Variants in TP53BP2 observed in about 807,000 individuals in gnomAD.
TP53BP2 encodes tumor protein p53 binding protein 2.
Under a neutral mutation model 126.2 loss-of-function variants are expected in TP53BP2, and 62 were observed. The ratio of observed to expected loss-of-function variants is 0.49; its 90% CI spans 0.40 to 0.61. The LOEUF (loss-of-function observed/expected upper bound fraction) is 0.61. Ranked by LOEUF, TP53BP2 falls within the 20% of genes least tolerant of loss-of-function variation. The probability of loss-of-function intolerance (pLI) is 0.00; values close to 1 mark genes in which losing one functional copy is unlikely to be tolerated. For synonymous variants in TP53BP2, 485 were observed against 502.9 expected, an observed-to-expected ratio of 0.96 and a Z score of 0.48; for missense variants, 1,215 against 1,402.8, an observed-to-expected ratio of 0.87 and a Z score of 2.14.
intron 4 of TP53BP2, among the ~76,000 whole-genome samples, chr1:223,809,263 A>G (rs1200927835): frequency 6.6e-6 from 1 of 152,116 alleles, no homozygotes; most frequent in East Asian, 1.9e-4. Context: ...TCATTGTAAG[A>G]TAATTATTAA....
At chr1:223,809,450 C>G (rs936863215) in intron 4 of TP53BP2, among the ~76,000 whole-genome samples, 5 of 151,888 alleles carry the variant, frequency 3.3e-5, no homozygotes, top group Admixed American at 6.6e-5. Context: ...ACCTGTAATC[C>G]CAGCTACTCG....
chr1:223,787,974 C>T (rs920369104), intron 16 of TP53BP2, among the ~76,000 whole-genome samples: 1 of 152,040 alleles, frequency 6.6e-6, no homozygotes. Context: ...AAGACTGAGG[C>T]AGAAGGGTCA....
chr1:223,803,928 T>G (rs1435419813), intron 6 of TP53BP2, among the ~76,000 whole-genome samples: 1 of 152,200 alleles, frequency 6.6e-6, no homozygotes, highest in Admixed American at 6.5e-5. Flanking sequence ...CTGAATTCAA[T>G]TCAGAGGAAC....
intron 1 of TP53BP2, among the ~76,000 whole-genome samples, chr1:223,840,729 G>C (rs1664075191): frequency 6.6e-6 from 1 of 152,132 alleles, no homozygotes; most frequent in Non-Finnish European, 1.5e-5. Context: ...AAGACGGAGG[G>C]AACACAGCTC....
At chr1:223,840,057 GA>G (rs1466857324) in intron 1 of TP53BP2, among the ~76,000 whole-genome samples, 1 of 152,084 alleles carries the variant, frequency 6.6e-6, no homozygotes, top group Non-Finnish European at 1.5e-5. Flanking sequence ...ATTTTATGTA[GA>G]AAAAAAGTTT....
chr1:223,793,370 G>T lies in TP53BP2; in HGVS notation c.2795C>A (p.Pro932His). ...IAHGMRVKFN[P>H]LALLLDSSLE... Reference sequence around the variant, plus strand: ...AGACGAATCTAGCAGTAAAGCAAGGGGGTTGAATTTCACCCTCATTCCATG... The same window carrying T: ...AGACGAATCTAGCAGTAAAGCAAGGTGGTTGAATTTCACCCTCATTCCATG... The change falls in exon 14 of 18, where the codon CCC (proline) becomes CAC (histidine). Residue 932 changes from proline (P) to histidine (H), a missense_variant. This residue lies in a region of TP53BP2 where 204 missense variants were observed against 225.7 expected (regional missense o/e 0.90). Coordinates refer to ENST00000343537, the MANE Select transcript of TP53BP2 (RefSeq NM_001031685.3). 1.2e-6 allele frequency: 2 copies of T among 1,611,782 alleles called. No homozygotes were observed. The highest frequency in any genetic ancestry group is 1.7e-6 in the Non-Finnish European group (2 of 1,178,988).
At chr1:223,819,583 G>T (rs1253662756) in intron 2 of TP53BP2, among the ~76,000 whole-genome samples, 1 of 152,036 alleles carries the variant, frequency 6.6e-6, no homozygotes, top group Non-Finnish European at 1.5e-5. Flanking sequence ...CTACTCGGGA[G>T]GCTGAGGCAG....
chr1:223,829,847 T>A (rs536587320), intron 1 of TP53BP2, among the ~76,000 whole-genome samples: 1 of 152,188 alleles, frequency 6.6e-6, no homozygotes, highest in African/African-American at 2.4e-5. Context: ...AGAGTACAGT[T>A]TTTCTTCCCC....
chr1:223,827,374 G>A (rs532172782), intron 1 of TP53BP2, among the ~76,000 whole-genome samples: 29 of 152,174 alleles, frequency 1.9e-4, no homozygotes, highest in Non-Finnish European at 2.6e-4. Context: ...CAAAGAAAGC[G>A]TGTGAGGGAG....
intron 13 of TP53BP2, among the ~76,000 whole-genome samples, chr1:223,793,823 T>C (rs1213963811): frequency 1.3e-5 from 2 of 152,182 alleles, no homozygotes; most frequent in Non-Finnish European, 2.9e-5. Flanking sequence ...TCTAATACAG[T>C]ACAGCAAACT....
chr1:223,806,268 T>A (rs1662711940), intron 5 of TP53BP2, among the ~76,000 whole-genome samples: 1 of 152,158 alleles, frequency 6.6e-6, no homozygotes, highest in African/African-American at 2.4e-5. Flanking sequence ...ACCTTTCCTG[T>A]CTGGCTGATA....
chr1:223,783,645 T>G (rs1661847918), intron 17 of TP53BP2, among the ~76,000 whole-genome samples: 1 of 150,118 alleles, frequency 6.7e-6, no homozygotes, highest in East Asian at 1.9e-4. Flanking sequence ...AATCTTTACA[T>G]GATGACAGCA....
In TP53BP2 at chr1:223,796,604, G is replaced by GAAAAAAA. The variant is rs28364803; in HGVS notation, c.1949-21_1949-15dup. The GAAAAAAA allele has an allele frequency of 7.1e-7, 1 of 1,417,222 alleles. No homozygotes were observed. The highest frequency in any genetic ancestry group is 9.4e-7 in the Non-Finnish European group (1 of 1,065,172). The allele number at this position is 1,417,222 out of a possible 1,614,324, so 87.8% of individuals were successfully genotyped here. A position where few individuals can be genotyped will look rare whatever the true frequency, so the allele number is the denominator to read the frequency against. On this transcript the variant is annotated splice_polypyrimidine_tract_variant and intron_variant, in intron 12 of 17. Transcript: ENST00000343537. The surrounding 1 kb of genome is among the most constrained non-coding windows in gnomAD (Gnocchi z 4.2). ...GCTTACCATATACTAATTGGAAAAG[G>GAAAAAAA]AAAAAAAAAAGCCCTCATTAGCATT...
chr1:223,800,606 G>C, intron 10 of TP53BP2, 94 bp downstream of exon 10: 1 of 933,288 alleles, frequency 1.1e-6, no homozygotes. Flanking sequence ...AAAAAAGGAA[G>C]AAAGAAAAGA....
Position 223,796,045 on chromosome 1 carries a change from G to A in TP53BP2, c.2494C>T (p.Pro832Ser). Residue 832 changes from proline to serine, a missense_variant, in exon 13 of 18, where the codon CCT becomes TCT. By Grantham distance (74) the Pro-to-Ser change is moderately conservative. Coordinates refer to ENST00000343537, the MANE Select transcript of TP53BP2 (RefSeq NM_001031685.3). This position sits in a 1 kb window ranked among gnomAD's most constrained non-coding sequence, Gnocchi z 4.2. The part of the protein sequence containing the change: ...ASTENSDMPA[P>S]SPGLDYEPEG... ...GGCTCATAATCAAGGCCTGGAGAAG[G>A]AGCTGGCATGTCACTGTTCTCTGTA... The A allele has an allele frequency of 6.2e-7, 1 of 1,614,178 alleles. No homozygotes were observed.
At chr1:223,800,114 T>G in intron 10 of TP53BP2, 67 bp from the exon 11 acceptor site, 2 of 1,463,946 alleles carry the variant, frequency 1.4e-6, no homozygotes, top group Non-Finnish European at 1.8e-6. Flanking sequence ...CACTCGTAAG[T>G]TTCTCTCCCC....
intron 4 of TP53BP2, among the ~76,000 whole-genome samples, chr1:223,807,298 TA>T (rs1662757173): frequency 1.3e-5 from 2 of 152,204 alleles, no homozygotes; most frequent in African/African-American, 4.8e-5. Flanking sequence ...TTAAACATGG[TA>T]TTGAGGCACT....
chr1:223,818,552 A>T (rs112247342), intron 2 of TP53BP2, among the ~76,000 whole-genome samples: 1 of 151,288 alleles, frequency 6.6e-6, no homozygotes, highest in East Asian at 2.0e-4. Flanking sequence ...TCTAGAACAC[A>T]TATCGGTGTT....
Position 223,814,037 on chromosome 1 carries a change from C to A in TP53BP2, c.289+203G>T, listed in dbSNP as rs533374702. ...AGTATTTCCTTTCTTATAGTTTCAACCCCCTGCTCTAATGACTCCTTCCCA... is the reference window on the plus strand; with the variant it reads ...AGTATTTCCTTTCTTATAGTTTCAAACCCCTGCTCTAATGACTCCTTCCCA... On this transcript the variant is annotated intron_variant, in intron 3 of 17. Coordinates refer to ENST00000343537, the MANE Select transcript of TP53BP2 (RefSeq NM_001031685.3). 4.1e-4 allele frequency: 209 copies of A among 505,238 alleles called. 3 individuals are homozygous for A. In the South Asian group the frequency reaches 5.0e-3, roughly 12 times the overall value. 31.3% of individuals were successfully genotyped at this position (505,238 alleles called of 1,614,324 possible). A position where few individuals can be genotyped will look rare whatever the true frequency, so the allele number is the denominator to read the frequency against.
Sources: gnomAD v4.1 joint callset for allele counts (sites outside exome capture counted in the v4.1 genomes callset) on GRCh38, gnomAD v4.1.1 for gene constraint, gnomAD v4.1.1 regional missense constraint, Gnocchi (gnomAD v3.1) non-coding constraint, MANE v1.5 for transcripts, NCBI Gene and HGNC (gene_info 2026-07-23, HGNC 2026-07-21) for gene names.